The following MAEA variants were observed in gnomAD, a reference collection of about 807,000 sequenced individuals.
MAEA encodes the protein macrophage erythroblast attacher, E3 ubiquitin ligase, also known as E3 ubiquitin-protein transferase MAEA.
A neutral mutation model predicts 46.2 loss-of-function variants in MAEA; 22 were observed. That is an observed-to-expected ratio of 0.48 (90% CI 0.34 to 0.68). The LOEUF (loss-of-function observed/expected upper bound fraction) is 0.68. Ranked by LOEUF, MAEA falls within the 30% of genes least tolerant of loss-of-function variation. The pLI is 0.01. For synonymous variants in MAEA, 246 were observed against 222.6 expected, an observed-to-expected ratio of 1.11 and a Z score of -0.94; for missense variants, 393 against 558.1, an observed-to-expected ratio of 0.70 and a Z score of 2.98.
rs10012539 is a variant in MAEA at position 1,293,534 on chromosome 4, A to G, written c.69+3552A>G. 4.3e-3 allele frequency among the ~76,000 whole-genome samples: 659 copies of G among 152,374 alleles called. 3 individuals carry two copies. The highest frequency in any genetic ancestry group is 0.015 in the African/African-American group (624 of 41,588). On this transcript the variant is annotated intron_variant, in intron 1 of 8. Transcript: ENST00000303400. ...AAAATAATAGTTTAGAGAATTTCACATGGGTGTCTGCACAGCCCAGGGCGG... is the reference window on the plus strand; with the variant it reads ...AAAATAATAGTTTAGAGAATTTCACGTGGGTGTCTGCACAGCCCAGGGCGG...
chr4:1,327,537 G>A (rs895512200), intron 4 of MAEA, 90 bp from the exon 5 acceptor site: 2 of 856,300 alleles, frequency 2.3e-6, no homozygotes, highest in South Asian at 1.3e-5. Flanking sequence ...TTGGTTGTGG[G>A]GTCTGCTGGT....
At chr4:1,319,383 G>A (rs1157969718) in intron 3 of MAEA, among the ~76,000 whole-genome samples, 4 of 152,156 alleles carry the variant, frequency 2.6e-5, no homozygotes, top group Non-Finnish European at 4.4e-5. Context: ...TGAGCATTTC[G>A]TGTGAGACAG....
At chr4:1,302,252 A>C (rs1471156890) in intron 1 of MAEA, among the ~76,000 whole-genome samples, 3 of 152,244 alleles carry the variant, frequency 2.0e-5, no homozygotes, top group African/African-American at 2.4e-5. Flanking sequence ...AAGGACAACA[A>C]CCACATAATC....
chr4:1,305,918 C>T (rs1173267025), intron 1 of MAEA, among the ~76,000 whole-genome samples: 2 of 152,164 alleles, frequency 1.3e-5, no homozygotes, highest in African/African-American at 2.4e-5. Flanking sequence ...AGTTTTAACC[C>T]GGAAGCTGTC....
In MAEA at chr4:1,312,110, G is replaced by A; in HGVS notation, c.201G>A (p.Val67=). 1 of 1,613,896 alleles carries A rather than the reference G, an allele frequency of 6.2e-7. No homozygotes were observed. ...TLSGCPAVDS[V]VSLLDGVVEK... Reference sequence around the variant, plus strand: ...GCGGCTGCCCCGCCGTGGACTCCGTGGTCAGCCTGCTGGACGGCGTGGTGG... The same window carrying A: ...GCGGCTGCCCCGCCGTGGACTCCGTAGTCAGCCTGCTGGACGGCGTGGTGG... Residue 67 remains valine (V), a synonymous_variant, in exon 2 of 9, where the codon GTG becomes GTA. Transcript: ENST00000303400.
chr4:1,337,864 A>G (rs996112932), intron 7 of MAEA: 1 of 171,006 alleles, frequency 5.8e-6, no homozygotes, highest in South Asian at 1.0e-4. Flanking sequence ...CTCTGTCCCC[A>G]CCTGTGACTG....
intron 2 of MAEA, 82 bp from the exon 3 acceptor site, chr4:1,315,315 G>T: frequency 7.5e-7 from 1 of 1,324,772 alleles, no homozygotes. Context: ...TGAGTGTTGT[G>T]GATTGGGGCA....
chr4:1,332,575 GGTGTGGTGCTGC>G (rs1341676852), intron 5 of MAEA, 170 bp from the exon 6 acceptor site: 4 of 533,976 alleles, frequency 7.5e-6, no homozygotes, highest in Non-Finnish European at 1.4e-5. Flanking sequence ...ACATTAGCTA[GGTGTGGTGCTGC>G]ACATCTGCGG....
At chr4:1,326,837 G>A (rs1211402334) in intron 4 of MAEA, among the ~76,000 whole-genome samples, 1 of 152,244 alleles carries the variant, frequency 6.6e-6, no homozygotes, top group Non-Finnish European at 1.5e-5. Flanking sequence ...TGCCCGCCAT[G>A]TTCTCGCCAG....
chr4:1,291,485 C>T (rs528070178), intron 1 of MAEA, among the ~76,000 whole-genome samples: 1 of 152,160 alleles, frequency 6.6e-6, no homozygotes, highest in Non-Finnish European at 1.5e-5. Context: ...GAGATGGAGA[C>T]CCTGCAGCTG....
intron 7 of MAEA, 114 bp from the exon 8 acceptor site, chr4:1,338,308 A>G (rs1713066130): frequency 2.6e-6 from 2 of 783,658 alleles, no homozygotes; most frequent in South Asian, 1.7e-5. Flanking sequence ...TGTAGTCAGC[A>G]TGGCGCCCAC....
At chr4:1,305,302 C>T (rs750252467) in intron 1 of MAEA, among the ~76,000 whole-genome samples, 2 of 152,162 alleles carry the variant, frequency 1.3e-5, no homozygotes, top group Non-Finnish European at 2.9e-5. Flanking sequence ...TAGGTGAGCC[C>T]GGCCCTGGTG....
chr4:1,300,619 G>A (rs1446403839), intron 1 of MAEA, among the ~76,000 whole-genome samples: 3 of 152,372 alleles, frequency 2.0e-5, no homozygotes, highest in Admixed American at 1.3e-4. Flanking sequence ...GCTGCGTGGC[G>A]TGCGTGTGTG....
rs1736474604 is a variant in MAEA, at chr4:1,311,301, A to C, written c.70-678A>C. ...GGCGTGATTCTGTCGTGCCGCTTTC[A>C]AACCGTAGAGCACAGGAAACGGGCG... On this transcript the variant is annotated intron_variant, in intron 1 of 8. Transcript: ENST00000303400. This position sits in a 1 kb window ranked among gnomAD's most constrained non-coding sequence, Gnocchi z 4.4. Among the ~76,000 whole-genome samples the C allele has an allele frequency of 6.6e-6, 1 of 152,260 alleles. No homozygotes were observed. The highest frequency in any genetic ancestry group is 6.5e-5 in the Admixed American group (1 of 15,292).
intron 3 of MAEA, among the ~76,000 whole-genome samples, chr4:1,319,612 TACAAA>T (rs1560362321): frequency 6.6e-6 from 1 of 152,174 alleles, no homozygotes; most frequent in Non-Finnish European, 1.5e-5. Context: ...AGAGCAAAAC[TACAAA>T]ACAAGGCCTT....
At chr4:1,298,239 C>T (rs1734962004) in intron 1 of MAEA, 1 of 374,548 alleles carries the variant, frequency 2.7e-6, no homozygotes, top group Non-Finnish European at 5.4e-6. Flanking sequence ...CTTTCTTTTA[C>T]TGGAGATATG....
intron 3 of MAEA, among the ~76,000 whole-genome samples, chr4:1,318,155 C>T (rs544276049): frequency 6.6e-6 from 1 of 151,942 alleles, no homozygotes; most frequent in South Asian, 2.1e-4. Context: ...GCCCACATGT[C>T]CTGGCTGCCT....
intron 5 of MAEA, chr4:1,329,664 C>T (rs1391573735): frequency 9.1e-6 from 9 of 985,442 alleles, no homozygotes; most frequent in Non-Finnish European, 1.1e-5. Flanking sequence ...CTCAGCGTGG[C>T]CCTGGAGCCA....
chr4:1,329,248 T>C (rs1739231853), intron 5 of MAEA: 1 of 982,872 alleles, frequency 1.0e-6, no homozygotes, highest in South Asian at 4.7e-5. Flanking sequence ...CCTGGCTCCG[T>C]GTAGGGTCTG....
Sources: gnomAD v4.1 joint callset for allele counts (sites outside exome capture counted in the v4.1 genomes callset) on GRCh38, gnomAD v4.1.1 for gene constraint, Gnocchi (gnomAD v3.1) non-coding constraint, MANE v1.5 for transcripts, NCBI Gene and HGNC (gene_info 2026-07-23, HGNC 2026-07-21) for gene names.